Variants in C1GALT1 observed in about 807,000 individuals in gnomAD.
C1GALT1 encodes glycoprotein-N-acetylgalactosamine 3-beta-galactosyltransferase 1.
Under a neutral mutation model 31.0 loss-of-function variants are expected in C1GALT1, and 11 were observed. That is an observed-to-expected ratio of 0.36 (90% confidence interval 0.22 to 0.59). The LOEUF is 0.59. Ranked by LOEUF, C1GALT1 falls within the 20% of genes least tolerant of loss-of-function variation. C1GALT1 has a pLI of 0.79. For missense variants in C1GALT1, 424 were observed against 425.2 expected (o/e 1.00, Z 0.03); for synonymous variants, 175 against 143.6 (o/e 1.22, Z -1.56).
chr7:7,223,422 G>A (rs564055714), intron 1 of C1GALT1, among the ~76,000 whole-genome samples: 7 of 152,196 alleles, frequency 4.6e-5, no homozygotes, highest in South Asian at 2.1e-4. Flanking sequence ...CTCAGCCTCC[G>A]AAAGTGCTAG....
rs1783739829 is a variant in C1GALT1 at position 7,243,846 on chromosome 7, A to G, written c.*119A>G. ...GGAATTCTAAGTGAACATTCCTTATAGAAACCTTTCACATGAATGACTATA... is the reference window on the plus strand; with the variant it reads ...GGAATTCTAAGTGAACATTCCTTATGGAAACCTTTCACATGAATGACTATA... On this transcript the variant is annotated 3_prime_UTR_variant, in exon 4 of 4. Transcript: ENST00000436587. 1 of 714,368 alleles carries G rather than the reference A, an allele frequency of 1.4e-6. No homozygotes were observed. The highest frequency in any genetic ancestry group is 2.2e-6 in the Non-Finnish European group (1 of 448,176). The allele number at this position is 714,368 out of a possible 1,614,324, so 44.3% of individuals were successfully genotyped here.
rs1783870616 is a variant in C1GALT1, at chr7:7,246,913, T to C, written c.*3186T>C. ...ATAACTTAAAGGATCATTGGATCATTCATTTTGGCCAAATTTTTAGCTTCT... is the reference window on the plus strand; with the variant it reads ...ATAACTTAAAGGATCATTGGATCATCCATTTTGGCCAAATTTTTAGCTTCT... On this transcript the variant is annotated 3_prime_UTR_variant, in exon 4 of 4. Coordinates refer to ENST00000436587, the MANE Select transcript of C1GALT1 (RefSeq NM_020156.5). 6.6e-6 allele frequency: 1 copy of C among 152,212 alleles called. No individual in the cohort carries two copies. The highest frequency in any genetic ancestry group is 6.5e-5 in the Admixed American group (1 of 15,280). The allele number at this position is 152,212 out of a possible 1,614,324, so 9.4% of individuals were successfully genotyped here.
intron 1 of C1GALT1, among the ~76,000 whole-genome samples, chr7:7,231,185 G>A (rs1321224769): frequency 6.6e-6 from 1 of 152,142 alleles, no homozygotes; most frequent in African/African-American, 2.4e-5. Context: ...GTTCACTGCA[G>A]TCTTGATTCT....
rs535494428 is a variant in C1GALT1, at chr7:7,201,120, C to G, written c.-18+18300C>G. 2.6e-5 allele frequency among the ~76,000 whole-genome samples: 4 copies of G among 152,268 alleles called. No homozygotes were observed. The South Asian group carries it at 8.3e-4, about 32-fold the overall frequency. On this transcript the variant is annotated intron_variant, in intron 1 of 3. Coordinates refer to ENST00000436587, the MANE Select transcript of C1GALT1 (RefSeq NM_020156.5). ...TTCAGCTTTTCTGCTCTGGTTTCTC[C>G]CCATCTTTGTGGTTTTATCTACCTT...
In C1GALT1 at chr7:7,217,402, C is replaced by T. The variant is rs571527992; in HGVS notation, c.-17-16901C>T. Among the ~76,000 whole-genome samples the T allele has an allele frequency of 2.0e-5, 3 of 152,106 alleles. No individual in the cohort carries two copies. The South Asian group carries it at 6.2e-4, about 32-fold the overall frequency. On this transcript the variant is annotated intron_variant, in intron 1 of 3. Coordinates refer to ENST00000436587, the MANE Select transcript of C1GALT1 (RefSeq NM_020156.5). ...TTTAAGAGACATGGTCTTGCTACATCACCCAGGCTGCAGTGTAGTGGTCAT... is the reference window on the plus strand; with the variant it reads ...TTTAAGAGACATGGTCTTGCTACATTACCCAGGCTGCAGTGTAGTGGTCAT...
At chr7:7,199,850 C>G (rs574753956) in intron 1 of C1GALT1, among the ~76,000 whole-genome samples, 57 of 152,264 alleles carry the variant, frequency 3.7e-4, no homozygotes, top group Non-Finnish European at 7.2e-4. Context: ...TTATCAGAGA[C>G]TAGGATTGCA....
At chr7:7,237,469 A>C (rs1049758094) in intron 2 of C1GALT1, among the ~76,000 whole-genome samples, 8 of 152,218 alleles carry the variant, frequency 5.3e-5, no homozygotes, top group African/African-American at 4.8e-5. Flanking sequence ...TTCTGATAGT[A>C]GGCCTTTTTC....
chr7:7,220,566 G>A (rs989337547), intron 1 of C1GALT1, among the ~76,000 whole-genome samples: 1 of 152,008 alleles, frequency 6.6e-6, no homozygotes, highest in African/African-American at 2.4e-5. Flanking sequence ...TCGCCAGGCT[G>A]GAGTGCAGTG....
At chr7:7,222,589 A>G (rs919206433) in intron 1 of C1GALT1, among the ~76,000 whole-genome samples, 3 of 152,236 alleles carry the variant, frequency 2.0e-5, no homozygotes, top group Non-Finnish European at 4.4e-5. Context: ...TGATTTGAAC[A>G]AACCAACTGC....
rs956157078 is a variant in C1GALT1 at position 7,244,317 on chromosome 7, T to C, written c.*590T>C. On this transcript the variant is annotated 3_prime_UTR_variant, in exon 4 of 4. Coordinates refer to ENST00000436587, the MANE Select transcript of C1GALT1 (RefSeq NM_020156.5). ...GCTAAAATAAGACTGGCACTTACCC[T>C]GAAGTGCATTAATAAAACCACACTT... 2 of 152,174 alleles carry C rather than the reference T, an allele frequency of 1.3e-5. No individual in the cohort carries two copies. Among genetic ancestry groups the C allele is most frequent in the Non-Finnish European group, 2.9e-5 (2 of 68,002 alleles). The allele number at this position is 152,174 out of a possible 1,614,324, so 9.4% of individuals were successfully genotyped here. A position where few individuals can be genotyped will look rare whatever the true frequency, so the allele number is the denominator to read the frequency against.
At chr7:7,224,333 T>C (rs182905818) in intron 1 of C1GALT1, among the ~76,000 whole-genome samples, 366 of 151,982 alleles carry the variant, frequency 2.4e-3, no homozygotes, top group Non-Finnish European at 4.3e-3. Context: ...ATAAAATGAA[T>C]TGGGAAGTGT....
At chr7:7,225,347 G>A (rs778784390) in intron 1 of C1GALT1, among the ~76,000 whole-genome samples, 1 of 152,148 alleles carries the variant, frequency 6.6e-6, no homozygotes, top group Non-Finnish European at 1.5e-5. Context: ...CTCCAGGAAA[G>A]CAGGGAAAGG....
At chr7:7,240,043 C>T (rs1783554583) in intron 3 of C1GALT1, among the ~76,000 whole-genome samples, 1 of 152,164 alleles carries the variant, frequency 6.6e-6, no homozygotes, top group Non-Finnish European at 1.5e-5. Context: ...TTCTGTGGAC[C>T]TAACGTATAA....
In C1GALT1 at chr7:7,234,372, T is replaced by C. The variant is rs756077488; in HGVS notation, c.53T>C (p.Ile18Thr). The change falls in exon 2 of 4, where the codon ATA (isoleucine) becomes ACA (threonine). Residue 18 changes from isoleucine to threonine, a missense_variant. Around this residue, in one of 3 missense-constraint regions of C1GALT1, gnomAD observed 189 missense variants for 158.2 expected, o/e 1.19. Transcript: ENST00000436587. Reference sequence around the variant, plus strand: ...TTAACCTTCCTCTGTGGATCAGCAATAGGATTTCTTTTATGTTCTCAGCTA... The same window carrying C: ...TTAACCTTCCTCTGTGGATCAGCAACAGGATTTCTTTTATGTTCTCAGCTA... ...NFLTFLCGSA[I>T]GFLLCSQLFS... 1.9e-5 allele frequency: 31 copies of C among 1,613,862 alleles called. No individual in the cohort carries two copies. The highest frequency in any genetic ancestry group is 2.5e-5 in the Non-Finnish European group (30 of 1,179,938).
chr7:7,183,826 A>G (rs1780699205), intron 1 of C1GALT1, among the ~76,000 whole-genome samples: 1 of 152,224 alleles, frequency 6.6e-6, no homozygotes, highest in South Asian at 2.1e-4. Context: ...ATAGAAAACT[A>G]TTGTGCTAAC....
At chr7:7,237,256 C>CTCA (rs1162709832) in intron 2 of C1GALT1, among the ~76,000 whole-genome samples, 1 of 152,216 alleles carries the variant, frequency 6.6e-6, no homozygotes, top group Non-Finnish European at 1.5e-5. Flanking sequence ...CATCTAGAAT[C>CTCA]TCATCATTGA....
chr7:7,159,644 T>C (rs1583725283), intron 2 of C1GALT1, among the ~76,000 whole-genome samples: 2 of 152,160 alleles, frequency 1.3e-5, no homozygotes, highest in East Asian at 3.8e-4. Flanking sequence ...GAATTCTAAT[T>C]TTCGCTTAAT....
intron 3 of C1GALT1, among the ~76,000 whole-genome samples, chr7:7,241,725 T>G (rs1783638030): frequency 6.6e-6 from 1 of 152,034 alleles, no homozygotes. Context: ...AATCTGGCTT[T>G]GTAACTGAAT....
chr7:7,214,125 A>T (rs59567699), intron 1 of C1GALT1, among the ~76,000 whole-genome samples: 4,234 of 152,298 alleles, frequency 0.028, 172 homozygotes, highest in African/African-American at 0.095. Context: ...GCTTTTCATA[A>T]TGTGAAGTAA....
Sources: allele counts gnomAD v4.1 joint callset (sites outside exome capture counted in the v4.1 genomes callset), GRCh38; gene constraint gnomAD v4.1.1; regional missense constraint gnomAD v4.1.1; transcripts MANE v1.5; gene names NCBI Gene and HGNC (gene_info 2026-07-23, HGNC 2026-07-21).